Variants in WDR33 observed in about 807,000 individuals in gnomAD.
WDR33 encodes the protein pre-mRNA 3' end processing protein WDR33.
A neutral mutation model predicts 164.9 loss-of-function variants in WDR33; 47 were observed. That is an observed-to-expected ratio of 0.29 (90% CI 0.23 to 0.36). The LOEUF is 0.36. Among genes scored for constraint, WDR33 ranks in the 10% least tolerant of loss-of-function variants. The pLI, the probability that WDR33 is intolerant of heterozygous loss-of-function variation, is 1.00. For synonymous variants in WDR33, 505 were observed against 589.0 expected, an observed-to-expected ratio of 0.86 and a Z score of 2.06; for missense variants, 1,137 against 1,754.1, an observed-to-expected ratio of 0.65 and a Z score of 6.28.
At chr2:127,729,569 G>A (rs370538168) in intron 7 of WDR33, among the ~76,000 whole-genome samples, 405 of 151,214 alleles carry the variant, frequency 2.7e-3, no homozygotes, top group African/African-American at 8.5e-3. Context: ...TCGGCTCACT[G>A]CAACCAACCT....
Position 127,701,336 on chromosome 2 carries a change from G to T in WDR33, c.*4987C>A. On this transcript the variant is annotated 3_prime_UTR_variant, in exon 22 of 22. Transcript: ENST00000322313. The stretch of plus-strand genomic sequence containing the variant: ...CTGGGAGGGCGACTGCAAGCGGACA[G>T]GCAGCACCTGCGACCACGGTACTTG... 1 of 430,678 alleles carries T rather than the reference G, an allele frequency of 2.3e-6. No homozygotes were observed. Among genetic ancestry groups the T allele is most frequent in the East Asian group, 3.9e-5 (1 of 25,752 alleles). 26.7% of individuals were successfully genotyped at this position (430,678 alleles called of 1,614,324 possible).
chr2:127,726,778 C>CT lies in WDR33; in HGVS notation c.725-2dup. 1 of 1,613,850 alleles carries CT rather than the reference C, an allele frequency of 6.2e-7. No individual in the cohort carries two copies. The highest frequency in any genetic ancestry group is 8.5e-7 in the Non-Finnish European group (1 of 1,179,936). On this transcript the variant is annotated splice_acceptor_variant, in intron 7 of 21. Coordinates refer to ENST00000322313, the MANE Select transcript of WDR33 (RefSeq NM_018383.5). LOFTEE classifies it high-confidence loss of function. The surrounding 1 kb of genome is among the most constrained non-coding windows in gnomAD (Gnocchi z 4.8). ...ACACATTTCACATCAGCACCATGCCCTGTCGGAAACAAGTTAGGATTAAAA... is the reference window on the plus strand; with the variant it reads ...ACACATTTCACATCAGCACCATGCCCTTGTCGGAAACAAGTTAGGATTAAAA...
At position 127,724,166 on chromosome 2, in the gene WDR33, C is replaced by T. The variant is rs1003350730; in HGVS notation, c.1196+167G>A. The stretch of plus-strand genomic sequence containing the variant: ...GAATAGCCAAAACCATATTCAATAC[C>T]CAATCTCTTTATTGCAATATAAGTA... On this transcript the variant is annotated intron_variant, in intron 11 of 21. Coordinates refer to ENST00000322313, the MANE Select transcript of WDR33 (RefSeq NM_018383.5). This position sits in a 1 kb window ranked among gnomAD's most constrained non-coding sequence, Gnocchi z 4.8. Among the ~76,000 whole-genome samples, 4 of 152,074 alleles carry T rather than the reference C, an allele frequency of 2.6e-5. No individual in the cohort carries two copies. The highest frequency in any genetic ancestry group is 7.2e-5 in the African/African-American group (3 of 41,402).
intron 7 of WDR33, among the ~76,000 whole-genome samples, chr2:127,760,994 T>A (rs1687656085): frequency 6.6e-6 from 1 of 152,196 alleles, no homozygotes; most frequent in African/African-American, 2.4e-5. Context: ...AACTGCTAGT[T>A]AATATCCCCT....
intron 7 of WDR33, among the ~76,000 whole-genome samples, chr2:127,756,378 G>GA (rs566378902): frequency 0.043 from 5,812 of 135,988 alleles, 336 homozygotes; most frequent in African/African-American, 0.13. Flanking sequence ...AAATTACTAT[G>GA]AAAAAAAAAA....
chr2:127,810,061 C>CACATAT (rs1553483218), intron 1 of WDR33, among the ~76,000 whole-genome samples: 1 of 151,198 alleles, frequency 6.6e-6, no homozygotes, highest in Non-Finnish European at 1.5e-5. Flanking sequence ...CATACACACA[C>CACATAT]ACATATATAC....
chr2:127,787,064 C>T (rs541623252), intron 1 of WDR33, among the ~76,000 whole-genome samples: 2 of 102,298 alleles, frequency 2.0e-5, no homozygotes, highest in South Asian at 4.2e-4. Flanking sequence ...TGACTCTTAA[C>T]GAGCATGCTG....
chr2:127,795,027 C>A (rs2105486452), intron 1 of WDR33, among the ~76,000 whole-genome samples: 1 of 150,918 alleles, frequency 6.6e-6, no homozygotes, highest in Non-Finnish European at 1.5e-5. Context: ...TCTTAAACTG[C>A]ATGCTACTAA....
At chr2:127,757,986 G>GTT (rs1687569218) in intron 7 of WDR33, among the ~76,000 whole-genome samples, 1 of 152,204 alleles carries the variant, frequency 6.6e-6, no homozygotes, top group South Asian at 2.1e-4. Flanking sequence ...TGGTGAGTAC[G>GTT]TAAGTGTTCA....
rs1558919374 is a variant in WDR33, at chr2:127,711,771, TATATATA to T, written c.3308+1805_3308+1811del. Among the ~76,000 whole-genome samples, 35 of 85,476 alleles carry T rather than the reference TATATATA, an allele frequency of 4.1e-4. 2 individuals carry two copies. Among genetic ancestry groups the T allele is most frequent in the Non-Finnish European group, 6.1e-4 (29 of 47,184 alleles). 56.1% of individuals were successfully genotyped at this position (85,476 alleles called of 152,430 possible). A position where few individuals can be genotyped will look rare whatever the true frequency, so the allele number is the denominator to read the frequency against. On this transcript the variant is annotated intron_variant, in intron 18 of 21. Coordinates refer to ENST00000322313, the MANE Select transcript of WDR33 (RefSeq NM_018383.5). ...ATACAGATATATATATATATATATA[TATATATA>T]TATTTTTTTTTTGAGACAGAGTCTC...
chr2:127,701,620 A>C lies in WDR33; in HGVS notation c.*4703T>G, dbSNP rs772446528. The C allele has an allele frequency of 1.5e-6, 2 of 1,334,176 alleles. No homozygotes were observed. Among genetic ancestry groups the C allele is most frequent in the Non-Finnish European group, 1.9e-6 (2 of 1,044,756 alleles). The allele number at this position is 1,334,176 out of a possible 1,614,324, so 82.6% of individuals were successfully genotyped here. ...GCGGAGCCGCTGCTCGCCGCGGAGA[A>C]GGCGGAGGAGCCCGGGGACCGGCCG... On this transcript the variant is annotated 3_prime_UTR_variant, in exon 22 of 22. Transcript: ENST00000322313.
At chr2:127,761,042 C>G (rs1558941578) in intron 7 of WDR33, among the ~76,000 whole-genome samples, 1 of 152,162 alleles carries the variant, frequency 6.6e-6, no homozygotes, top group Non-Finnish European at 1.5e-5. Context: ...CTTAATGAAA[C>G]ACATTCATTA....
chr2:127,752,164 C>A (rs897180133), intron 7 of WDR33, among the ~76,000 whole-genome samples: 2 of 152,206 alleles, frequency 1.3e-5, no homozygotes, highest in Non-Finnish European at 1.5e-5. Flanking sequence ...AACATTTTAC[C>A]AGAGCTATCA....
In WDR33 at chr2:127,701,619, A is replaced by C. The variant is rs746027247; in HGVS notation, c.*4704T>G. The C allele has an allele frequency of 2.2e-6, 3 of 1,334,782 alleles. No individual in the cohort carries two copies. Among genetic ancestry groups the C allele is most frequent in the Non-Finnish European group, 2.9e-6 (3 of 1,044,912 alleles). 82.7% of individuals were successfully genotyped at this position (1,334,782 alleles called of 1,614,324 possible). ...CGCGGAGCCGCTGCTCGCCGCGGAG[A>C]AGGCGGAGGAGCCCGGGGACCGGCC... On this transcript the variant is annotated 3_prime_UTR_variant, in exon 22 of 22. Transcript: ENST00000322313.
chr2:127,779,491 CAT>C, intron 1 of WDR33, among the ~76,000 whole-genome samples: 1 of 150,278 alleles, frequency 6.7e-6, no homozygotes, highest in South Asian at 2.1e-4. Context: ...AAAAATAGAA[CAT>C]ATGATAGAAC....
chr2:127,757,500 T>A (rs1045927078), intron 7 of WDR33, among the ~76,000 whole-genome samples: 3 of 152,122 alleles, frequency 2.0e-5, no homozygotes, highest in African/African-American at 7.2e-5. Context: ...TTCCTCAAAG[T>A]AAGAAACTGG....
At chr2:127,740,643 G>T (rs1686987894) in intron 7 of WDR33, among the ~76,000 whole-genome samples, 2 of 152,184 alleles carry the variant, frequency 1.3e-5, no homozygotes, top group African/African-American at 4.8e-5. Flanking sequence ...TAAGCTTCAA[G>T]TATACGATTA....
intron 7 of WDR33, among the ~76,000 whole-genome samples, chr2:127,748,585 A>G (rs1401391704): frequency 6.6e-6 from 1 of 152,176 alleles, no homozygotes; most frequent in Non-Finnish European, 1.5e-5. Context: ...TTTACAGCCA[A>G]ATTGATCAAG....
At chr2:127,753,219 G>A (rs115047544) in intron 7 of WDR33, among the ~76,000 whole-genome samples, 3,001 of 152,264 alleles carry the variant, frequency 0.02, 148 homozygotes, top group South Asian at 0.17. Context: ...GAGCCACCAC[G>A]CATAGCCCTT....
Sources: allele counts gnomAD v4.1 joint callset (sites outside exome capture counted in the v4.1 genomes callset), GRCh38; gene constraint gnomAD v4.1.1; non-coding constraint Gnocchi (gnomAD v3.1); transcripts MANE v1.5; gene names NCBI Gene and HGNC (gene_info 2026-07-23, HGNC 2026-07-21).